SRPK2: variants seen among roughly 807,000 people sequenced by gnomAD.
SRPK2 encodes the protein SFRS protein kinase 2.
In SRPK2, 21 loss-of-function variants were observed where a neutral mutation model predicts 90.8. The ratio of observed to expected loss-of-function variants is 0.23; its 90% CI spans 0.16 to 0.33. The LOEUF (loss-of-function observed/expected upper bound fraction) is 0.33, where lower values mean the gene tolerates loss of function less well. SRPK2 is among the 10% of genes least tolerant of loss of function. The probability of loss-of-function intolerance (pLI) is 1.00; values close to 1 mark genes in which losing one functional copy is unlikely to be tolerated. For missense variants in SRPK2, 620 were observed against 869.0 expected (o/e 0.71, Z 3.60); for synonymous variants, 288 against 311.1 (o/e 0.93, Z 0.78).
intron 11 of SRPK2, among the ~76,000 whole-genome samples, chr7:105,138,711 G>A (rs1803251294): frequency 6.6e-6 from 1 of 152,064 alleles, no homozygotes; most frequent in African/African-American, 2.4e-5. Context: ...GAGGTGGGAG[G>A]ATCACTTGAG....
In SRPK2 at chr7:105,201,109, C is replaced by T. The variant is rs1046481525; in HGVS notation, c.229+2519G>A. ...AGGGTGAGGGGATTTATCTCTTTAT[C>T]CAAGAACAAAAAATGAGAAGGCCAC... is the stretch of plus-strand genomic sequence containing the variant. On this transcript the variant is annotated intron_variant, in intron 3 of 15. Transcript: ENST00000393651. 2.6e-5 allele frequency among the ~76,000 whole-genome samples: 4 copies of T among 152,016 alleles called. No individual in the cohort carries two copies. In the East Asian group the frequency reaches 5.8e-4, roughly 22 times the overall value.
intron 2 of SRPK2, among the ~76,000 whole-genome samples, chr7:105,331,308 C>CAAAAAAAAAAAAAAAAAAAAAAA (rs57653042): frequency 8.9e-5 from 4 of 45,106 alleles, no homozygotes; most frequent in East Asian, 4.7e-4. Flanking sequence ...GACTCCGTCT[C>CAAAAAAAAAAAAAAAAAAAAAAA]AAAAAAAAAA....
intron 15 of SRPK2, among the ~76,000 whole-genome samples, chr7:105,119,290 T>G (rs1799997256): frequency 6.6e-6 from 1 of 152,132 alleles, no homozygotes; most frequent in Admixed American, 6.5e-5. Context: ...TTGTTCTGTT[T>G]CACCCATTTA....
intron 11 of SRPK2, among the ~76,000 whole-genome samples, chr7:105,141,519 C>A (rs1803771964): frequency 6.6e-6 from 1 of 152,166 alleles, no homozygotes; most frequent in African/African-American, 2.4e-5. Context: ...AAATTACAAT[C>A]CTGGGCCAGT....
chr7:105,266,591 T>C (rs966227363), intron 2 of SRPK2, among the ~76,000 whole-genome samples: 1 of 152,156 alleles, frequency 6.6e-6, no homozygotes, highest in African/African-American at 2.4e-5. Flanking sequence ...ACTGACTATA[T>C]GCAAATTCCA....
chr7:105,367,674 G>A (rs1484005815), intron 2 of SRPK2, among the ~76,000 whole-genome samples: 1 of 152,076 alleles, frequency 6.6e-6, no homozygotes, highest in Non-Finnish European at 1.5e-5. Flanking sequence ...TTAATTCCAT[G>A]CAGTTATGAT....
At chr7:105,196,371 G>A (rs941141412) in intron 3 of SRPK2, among the ~76,000 whole-genome samples, 10 of 152,182 alleles carry the variant, frequency 6.6e-5, no homozygotes, top group Admixed American at 2.6e-4. Flanking sequence ...AAGACCACAC[G>A]TCTATAAAAT....
At chr7:105,242,112 T>G (rs185203429) in intron 2 of SRPK2, among the ~76,000 whole-genome samples, 1 of 152,252 alleles carries the variant, frequency 6.6e-6, no homozygotes, top group Non-Finnish European at 1.5e-5. Flanking sequence ...TCTAAGTCTG[T>G]GACTTCATCT....
At chr7:105,396,743 AG>A (rs1165053212) in intron 1 of SRPK2, among the ~76,000 whole-genome samples, 2 of 148,960 alleles carry the variant, frequency 1.3e-5, no homozygotes, top group African/African-American at 5.0e-5. Flanking sequence ...GAGGAGGAGG[AG>A]GAGGAGAGGA....
intron 2 of SRPK2, among the ~76,000 whole-genome samples, chr7:105,252,808 T>C (rs1481631159): frequency 6.6e-6 from 1 of 151,512 alleles, no homozygotes; most frequent in Non-Finnish European, 1.5e-5. Context: ...AGTAGTGTGA[T>C]CTCAGCTCAC....
intron 1 of SRPK2, among the ~76,000 whole-genome samples, chr7:105,398,906 C>T (rs775450699): frequency 6.6e-6 from 1 of 152,116 alleles, no homozygotes; most frequent in African/African-American, 2.4e-5. Flanking sequence ...ATTACCTACC[C>T]TACAAATTTG....
intron 2 of SRPK2, among the ~76,000 whole-genome samples, chr7:105,380,051 G>T (rs190514260): frequency 1.3e-5 from 2 of 152,186 alleles, no homozygotes; most frequent in South Asian, 2.1e-4. Flanking sequence ...CTTAGGTGGG[G>T]TATCACCCAA....
At chr7:105,389,426 G>T, upstream of SRPK2, 1 of 1,202,812 alleles carries the variant, frequency 8.3e-7, no homozygotes, top group Non-Finnish European at 1.1e-6. Context: ...CCAAAAGCTG[G>T]GAAACCTGGG....
intron 2 of SRPK2, among the ~76,000 whole-genome samples, chr7:105,220,722 T>C (rs1304322816): frequency 6.6e-6 from 1 of 152,218 alleles, no homozygotes; most frequent in African/African-American, 2.4e-5. Flanking sequence ...AATGTCACTA[T>C]ATTGTTTTCA....
chr7:105,392,627 C>A (rs1232195935), upstream of SRPK2, among the ~76,000 whole-genome samples: 1 of 151,952 alleles, frequency 6.6e-6, no homozygotes, highest in Non-Finnish European at 1.5e-5. Context: ...GATTTTCCCA[C>A]CTCAGCCTCC....
intron 2 of SRPK2, among the ~76,000 whole-genome samples, chr7:105,258,366 G>A (rs1585398921): frequency 7.0e-6 from 1 of 143,322 alleles, no homozygotes; most frequent in East Asian, 2.0e-4. Context: ...ATAGTGAGCC[G>A]AGATCATGCC....
intron 3 of SRPK2, among the ~76,000 whole-genome samples, chr7:105,200,517 G>A (rs897456324): frequency 2.0e-5 from 3 of 152,038 alleles, no homozygotes; most frequent in Admixed American, 1.3e-4. Flanking sequence ...GGCGGCGGGG[G>A]TAGGGATAAA....
chr7:105,146,680 G>GAGA, intron 7 of SRPK2, 22 bp from the exon 8 acceptor site: 2 of 1,610,478 alleles, frequency 1.2e-6, no homozygotes, highest in Non-Finnish European at 1.7e-6. Context: ...AAAATCAAGA[G>GAGA]AGAAGATAAG....
intron 2 of SRPK2, among the ~76,000 whole-genome samples, chr7:105,361,264 C>A (rs915011128): frequency 6.6e-6 from 1 of 152,228 alleles, no homozygotes; most frequent in Admixed American, 6.5e-5. Flanking sequence ...ATCCAACTTA[C>A]AAGGGATGTG....
Sources: gnomAD v4.1 joint callset for allele counts (sites outside exome capture counted in the v4.1 genomes callset) on GRCh38, gnomAD v4.1.1 for gene constraint, MANE v1.5 for transcripts, NCBI Gene and HGNC (gene_info 2026-07-23, HGNC 2026-07-21) for gene names.